WDPCP: variants seen among roughly 807,000 people sequenced by gnomAD.
The protein encoded by WDPCP is WD repeat containing planar cell polarity effector.
Under a neutral mutation model 93.1 loss-of-function variants are expected in WDPCP, and 71 were observed. That is an observed-to-expected ratio of 0.76 (90% confidence interval 0.63 to 0.93). The LOEUF is 0.93. WDPCP is among the 40% of genes least tolerant of loss of function. The pLI, the probability that WDPCP is intolerant of heterozygous loss-of-function variation, is 0.00. For missense variants in WDPCP, 844 were observed against 887.4 expected (o/e 0.95, Z 0.62); for synonymous variants, 315 against 315.0 (o/e 1.00, Z 0.00).
At chr2:63,423,813 C>G (rs938677537) in intron 9 of WDPCP, among the ~76,000 whole-genome samples, 5 of 151,972 alleles carry the variant, frequency 3.3e-5, no homozygotes, top group African/African-American at 1.2e-4. Flanking sequence ...AATAACTTTC[C>G]AAAAAGAAAT....
intron 2 of WDPCP, among the ~76,000 whole-genome samples, chr2:63,806,496 C>G (rs893346064): frequency 2.6e-5 from 4 of 152,210 alleles, no homozygotes; most frequent in African/African-American, 9.7e-5. Context: ...AAGTTTCGGG[C>G]ACCATTGTCA....
chr2:63,803,914 T>C (rs1023900122), intron 2 of WDPCP, among the ~76,000 whole-genome samples: 2 of 152,232 alleles, frequency 1.3e-5, no homozygotes, highest in Non-Finnish European at 2.9e-5. Flanking sequence ...TGCCATGCTT[T>C]TATATTTAGT....
At chr2:63,375,552 A>T (rs1003336248) in intron 12 of WDPCP, among the ~76,000 whole-genome samples, 2 of 151,918 alleles carry the variant, frequency 1.3e-5, no homozygotes, top group Admixed American at 1.3e-4. Flanking sequence ...ATACAAAAAG[A>T]TGAGAAGTGA....
chr2:63,459,618 T>C (rs896797747), intron 6 of WDPCP, among the ~76,000 whole-genome samples: 3 of 152,148 alleles, frequency 2.0e-5, no homozygotes, highest in African/African-American at 7.2e-5. Context: ...TGGAGATTTA[T>C]CAAAAACCAA....
intron 12 of WDPCP, among the ~76,000 whole-genome samples, chr2:63,333,187 A>C (rs1688107640): frequency 6.6e-6 from 1 of 152,188 alleles, no homozygotes; most frequent in Non-Finnish European, 1.5e-5. Context: ...CTGGGGACTC[A>C]TGCCCTACAA....
intron 14 of WDPCP, among the ~76,000 whole-genome samples, chr2:63,215,156 G>A (rs577675839): frequency 4.6e-5 from 7 of 152,200 alleles, no homozygotes; most frequent in East Asian, 1.9e-4. Flanking sequence ...AAAAGAGCCC[G>A]CATTGCCAAG....
chr2:63,722,067 C>T (rs1351975250), intron 2 of WDPCP, among the ~76,000 whole-genome samples: 2 of 152,146 alleles, frequency 1.3e-5, no homozygotes, highest in South Asian at 4.1e-4. Context: ...GTGGCGTGAT[C>T]TCGGCTCGCT....
At chr2:63,498,844 C>T (rs1173446510) in intron 1 of WDPCP, among the ~76,000 whole-genome samples, 2 of 152,128 alleles carry the variant, frequency 1.3e-5, no homozygotes, top group Admixed American at 1.3e-4. Flanking sequence ...TAAATGATAG[C>T]ATGGCATCCA....
intron 10 of WDPCP, among the ~76,000 whole-genome samples, chr2:63,401,874 G>A (rs930700800): frequency 7.2e-5 from 11 of 152,034 alleles, no homozygotes; most frequent in Non-Finnish European, 1.3e-4. Flanking sequence ...TTACACTGCT[G>A]GGCATGTAAA....
intron 1 of WDPCP, among the ~76,000 whole-genome samples, chr2:63,816,551 A>G (rs1374648013): frequency 6.6e-6 from 1 of 152,170 alleles, no homozygotes; most frequent in Admixed American, 6.5e-5. Context: ...AAACCAAGGA[A>G]TATCTGGAGC....
intron 2 of WDPCP, among the ~76,000 whole-genome samples, chr2:63,689,201 G>T (rs1438730210): frequency 6.6e-6 from 1 of 151,638 alleles, no homozygotes; most frequent in Admixed American, 6.6e-5. Flanking sequence ...TGGGGAGGGG[G>T]AATCTAATTT....
chr2:63,676,952 C>T (rs1390876685), intron 2 of WDPCP, among the ~76,000 whole-genome samples: 1 of 152,112 alleles, frequency 6.6e-6, no homozygotes, highest in African/African-American at 2.4e-5. Flanking sequence ...TAGGGAAGGG[C>T]TACGTGAGCT....
intron 1 of WDPCP, among the ~76,000 whole-genome samples, chr2:63,493,757 T>G (rs894243970): frequency 6.6e-6 from 1 of 152,098 alleles, no homozygotes; most frequent in African/African-American, 2.4e-5. Flanking sequence ...TTTCAAATGT[T>G]TGCTTGGAAA....
At chr2:63,288,568 C>A (rs751210909) in intron 13 of WDPCP, among the ~76,000 whole-genome samples, 1 of 152,166 alleles carries the variant, frequency 6.6e-6, no homozygotes, top group Non-Finnish European at 1.5e-5. Context: ...GTACAAAGAT[C>A]ACTTTTTTTC....
intron 2 of WDPCP, among the ~76,000 whole-genome samples, chr2:63,669,476 C>T (rs1398770681): frequency 6.6e-6 from 1 of 151,792 alleles, no homozygotes; most frequent in Non-Finnish European, 1.5e-5. Flanking sequence ...TCTTGTGCCT[C>T]AGCCTCCCGA....
At chr2:63,342,921 CA>C (rs1688946542) in intron 12 of WDPCP, among the ~76,000 whole-genome samples, 1 of 152,124 alleles carries the variant, frequency 6.6e-6, no homozygotes, top group African/African-American at 2.4e-5. Context: ...CGTCTACTAG[CA>C]AAAACTCCCT....
intron 14 of WDPCP, among the ~76,000 whole-genome samples, chr2:63,186,690 T>C (rs1392760348): frequency 1.3e-5 from 2 of 152,226 alleles, no homozygotes; most frequent in African/African-American, 4.8e-5. Context: ...CTCACAGTTC[T>C]CAGCCAGATG....
intron 2 of WDPCP, among the ~76,000 whole-genome samples, chr2:63,702,900 T>A (rs562397268): frequency 2.7e-5 from 4 of 150,366 alleles, no homozygotes; most frequent in African/African-American, 9.7e-5. Context: ...GTCCCCAATG[T>A]GTGATGTTCC....
At chr2:63,231,661 C>T (rs573162219) in intron 14 of WDPCP, among the ~76,000 whole-genome samples, 3 of 152,268 alleles carry the variant, frequency 2.0e-5, no homozygotes, top group African/African-American at 7.2e-5. Flanking sequence ...CTACAAACCA[C>T]TGCTTGATGA....
Sources: gnomAD v4.1 joint callset for allele counts (sites outside exome capture counted in the v4.1 genomes callset) on GRCh38, gnomAD v4.1.1 for gene constraint, MANE v1.5 for transcripts, NCBI Gene and HGNC (gene_info 2026-07-23, HGNC 2026-07-21) for gene names.